The following AGBL3 variants were observed in gnomAD, a reference collection of about 807,000 sequenced individuals.
The protein encoded by AGBL3 is cytosolic carboxypeptidase 3.
In AGBL3, 68 loss-of-function variants were observed where a neutral mutation model predicts 94.5. That is an observed-to-expected ratio of 0.72 (90% CI 0.59 to 0.88). The LOEUF is 0.88. AGBL3 is among the 40% of genes least tolerant of loss of function. The pLI is 0.00. For synonymous variants in AGBL3, 354 were observed against 370.7 expected (o/e 0.95, Z 0.52); for missense variants, 934 against 1,103.8 (o/e 0.85, Z 2.18).
intron 5 of AGBL3, among the ~76,000 whole-genome samples, chr7:135,017,823 GAA>G (rs1813979459): frequency 6.6e-6 from 1 of 152,126 alleles, no homozygotes; most frequent in African/African-American, 2.4e-5. Context: ...AGCAATTCTA[GAA>G]ATCATATACT....
intron 4 of AGBL3, among the ~76,000 whole-genome samples, chr7:135,009,732 G>A (rs568511679): frequency 6.6e-6 from 1 of 152,030 alleles, no homozygotes; most frequent in Non-Finnish European, 1.5e-5. Flanking sequence ...TCTGAAAGTG[G>A]GTACTAACCC....
chr7:135,081,270 T>A (rs1440971851), intron 14 of AGBL3, among the ~76,000 whole-genome samples: 1 of 152,144 alleles, frequency 6.6e-6, no homozygotes, highest in Non-Finnish European at 1.5e-5. Context: ...ATACACACCA[T>A]GTTAATGAAT....
In AGBL3 at chr7:135,115,464, A is replaced by G. The variant is rs1236037174; in HGVS notation, c.2195A>G (p.Glu732Gly). ...KKTGINWTDD[E>G]KRSYKDKGIV... The stretch of plus-strand genomic sequence containing the variant: ...ACTGGCATAAATTGGACAGATGATG[A>G]AAAAAGAAGCTACAAGGATAAAGGA... The change falls in exon 16 of 17, where the codon GAA (glutamate) becomes GGA (glycine). Residue 732 changes from glutamate (E) to glycine (G), a missense_variant. This residue lies in a region of AGBL3 where 441 missense variants were observed against 518.2 expected (regional missense o/e 0.85). Transcript: ENST00000436302. 1 of 1,551,396 alleles carries G rather than the reference A, an allele frequency of 6.4e-7. No individual in the cohort carries two copies. The highest frequency in any genetic ancestry group is 2.0e-5 in the Admixed American group (1 of 50,996).
chr7:135,080,812 A>G (rs1174256214), intron 14 of AGBL3, among the ~76,000 whole-genome samples: 1 of 147,182 alleles, frequency 6.8e-6, no homozygotes, highest in African/African-American at 2.5e-5. Flanking sequence ...GGGGAATCAT[A>G]TAATTTAAGC....
Position 134,993,578 on chromosome 7 carries a change from T to C in AGBL3, c.210T>C (p.Arg70=), listed in dbSNP as rs1470236144. The C allele has an allele frequency of 4.5e-6, 7 of 1,552,002 alleles. No individual in the cohort carries two copies. The highest frequency in any genetic ancestry group is 6.1e-6 in the Non-Finnish European group (7 of 1,147,020). ...TAGGGAGATGGGTGCCACGTCTTCG[T>C]GAACCAAGGGATTTATATGGTGTCT... The part of the protein sequence containing the change: ...YQLGRWVPRL[R]EPRDLYGVSS... The change falls in exon 4 of 17, where the codon CGT becomes CGC. Residue 70 remains arginine, a synonymous_variant. Transcript: ENST00000436302.
At position 135,115,551 on chromosome 7, in the gene AGBL3, T is replaced by C. The variant is rs1319039622; in HGVS notation, c.2282T>C (p.Met761Thr). 5 of 1,551,432 alleles carry C rather than the reference T, an allele frequency of 3.2e-6. No homozygotes were observed. In the Admixed American group the frequency reaches 9.8e-5, roughly 30 times the overall value. ...CCCATCGTGCATAGCACTAAAAACA[T>C]GCAAACCACTCAGATAAAACAGCTA... ...LLPIVHSTKN[M>T]QTTQIKQLFN... The change falls in exon 16 of 17, where the codon ATG (methionine) becomes ACG (threonine). Residue 761 changes from methionine (M) to threonine (T), a missense_variant. By Grantham distance (81) the Met-to-Thr change is moderately conservative (BLOSUM62 -1). Coordinates refer to ENST00000436302, the MANE Select transcript of AGBL3 (RefSeq NM_178563.4).
chr7:135,107,487 G>T (rs943101508), intron 15 of AGBL3, among the ~76,000 whole-genome samples: 1 of 152,164 alleles, frequency 6.6e-6, no homozygotes, highest in Non-Finnish European at 1.5e-5. Flanking sequence ...AAGTCATTCA[G>T]GAGCATGTTG....
At chr7:134,990,859 C>T (rs1810150763) in intron 3 of AGBL3, among the ~76,000 whole-genome samples, 1 of 152,090 alleles carries the variant, frequency 6.6e-6, no homozygotes, top group Non-Finnish European at 1.5e-5. Context: ...TTGTTGATTG[C>T]CTTTTGCCCT....
chr7:134,999,558 G>T (rs1255915704), intron 4 of AGBL3, among the ~76,000 whole-genome samples: 1 of 152,140 alleles, frequency 6.6e-6, no homozygotes, highest in Non-Finnish European at 1.5e-5. Context: ...CACTTACTGG[G>T]TCCAGTCATC....
chr7:135,048,561 CTTAG>C (rs1398325961), intron 11 of AGBL3, among the ~76,000 whole-genome samples: 2 of 151,722 alleles, frequency 1.3e-5, no homozygotes, highest in African/African-American at 2.4e-5. Flanking sequence ...TTATACAAGT[CTTAG>C]TTAGGTTTAT....
chr7:135,131,609 T>C (rs939465168), intron 16 of AGBL3, among the ~76,000 whole-genome samples: 2 of 151,416 alleles, frequency 1.3e-5, no homozygotes, highest in Admixed American at 1.3e-4. Flanking sequence ...TGAGAAAACA[T>C]CTGAAATCAA....
chr7:135,067,401 C>T (rs562556049), intron 12 of AGBL3, among the ~76,000 whole-genome samples: 7 of 152,342 alleles, frequency 4.6e-5, no homozygotes, highest in African/African-American at 1.4e-4. Context: ...GTGGTTCTCA[C>T]AGCACGCAAC....
At chr7:135,126,873 A>G (rs994314691) in intron 16 of AGBL3, among the ~76,000 whole-genome samples, 5 of 152,230 alleles carry the variant, frequency 3.3e-5, no homozygotes, top group African/African-American at 2.4e-5. Context: ...TTAACTGAAG[A>G]TGGATTAAAG....
At chr7:135,004,287 G>A (rs1432475512) in intron 4 of AGBL3, among the ~76,000 whole-genome samples, 1 of 151,658 alleles carries the variant, frequency 6.6e-6, no homozygotes, top group Non-Finnish European at 1.5e-5. Context: ...ATAAAGTGCA[G>A]TTAGTCATTG....
At chr7:135,114,125 T>G (rs1026409288) in intron 15 of AGBL3, among the ~76,000 whole-genome samples, 7 of 148,378 alleles carry the variant, frequency 4.7e-5, no homozygotes, top group African/African-American at 9.9e-5. Flanking sequence ...TTGCTTACAC[T>G]GTTGGCTATT....
chr7:135,033,744 T>C (rs1298080339), intron 6 of AGBL3, among the ~76,000 whole-genome samples: 2 of 152,208 alleles, frequency 1.3e-5, no homozygotes, highest in African/African-American at 2.4e-5. Flanking sequence ...GTGATAGTTA[T>C]TTTATATCCC....
At chr7:135,015,138 T>C (rs562583621) in intron 4 of AGBL3, among the ~76,000 whole-genome samples, 1 of 152,302 alleles carries the variant, frequency 6.6e-6, no homozygotes, top group Admixed American at 6.5e-5. Flanking sequence ...ATATCAGGAA[T>C]CCATGTTGAT....
intron 16 of AGBL3, among the ~76,000 whole-genome samples, chr7:135,130,710 G>A (rs1828621182): frequency 6.6e-6 from 1 of 152,034 alleles, no homozygotes; most frequent in African/African-American, 2.4e-5. Flanking sequence ...AGTATAACCT[G>A]TCTATACCAC....
At chr7:135,077,387 C>G (rs1371728333) in intron 13 of AGBL3, among the ~76,000 whole-genome samples, 1 of 152,146 alleles carries the variant, frequency 6.6e-6, no homozygotes, top group Non-Finnish European at 1.5e-5. Flanking sequence ...TGCCTCCCCT[C>G]CACCTACAGT....
Sources: allele counts gnomAD v4.1 joint callset (sites outside exome capture counted in the v4.1 genomes callset), GRCh38; gene constraint gnomAD v4.1.1; regional missense constraint gnomAD v4.1.1; transcripts MANE v1.5; gene names NCBI Gene and HGNC (gene_info 2026-07-23, HGNC 2026-07-21).